PRKG1: variants seen among roughly 807,000 people sequenced by gnomAD.
PRKG1 encodes protein kinase cGMP-dependent 1, also known as cGMP-dependent protein kinase 1.
A neutral mutation model predicts 88.1 loss-of-function variants in PRKG1; 35 were observed. The ratio of observed to expected loss-of-function variants is 0.40; its 90% CI spans 0.30 to 0.53. The LOEUF is 0.53. Ranked by LOEUF, PRKG1 falls within the 20% of genes least tolerant of loss-of-function variation. The pLI is 0.59. For missense variants in PRKG1, 540 were observed against 839.8 expected (o/e 0.64, Z 4.41); for synonymous variants, 303 against 292.5 (o/e 1.04, Z -0.37).
chr10:52,290,682 C>G (rs1842219131), intron 17 of PRKG1, among the ~76,000 whole-genome samples: 2 of 151,838 alleles, frequency 1.3e-5, no homozygotes, highest in African/African-American at 4.8e-5. Context: ...GAGACTCTGT[C>G]TCTACAAAAA....
chr10:52,078,886 GT>G (rs1846698392), intron 7 of PRKG1, among the ~76,000 whole-genome samples: 1 of 152,194 alleles, frequency 6.6e-6, no homozygotes, highest in Non-Finnish European at 1.5e-5. Context: ...TGATGAGATA[GT>G]TTGTATTTAC....
chr10:51,682,452 T>C (rs950966577), intron 3 of PRKG1, among the ~76,000 whole-genome samples: 4 of 152,178 alleles, frequency 2.6e-5, no homozygotes, highest in Non-Finnish European at 5.9e-5. Context: ...TCCTCATAGC[T>C]GATCTCGTTT....
intron 3 of PRKG1, among the ~76,000 whole-genome samples, chr10:51,737,498 A>G (rs947716812): frequency 2.0e-5 from 3 of 152,084 alleles, no homozygotes; most frequent in Non-Finnish European, 2.9e-5. Flanking sequence ...ACATTGTTGT[A>G]TTTCCCATTA....
chr10:52,088,410 G>A (rs1238226692), intron 7 of PRKG1, among the ~76,000 whole-genome samples: 2 of 151,412 alleles, frequency 1.3e-5, no homozygotes, highest in African/African-American at 2.4e-5. Flanking sequence ...TTCTTGATGG[G>A]TGCTATGGTT....
intron 2 of PRKG1, among the ~76,000 whole-genome samples, chr10:51,437,551 T>C (rs679438): frequency 0.69 from 104,338 of 151,750 alleles, 36,738 homozygotes; most frequent in African/African-American, 0.79. Context: ...ATAGAAAACA[T>C]GTATTTTAAA....
intron 4 of PRKG1, 149 bp from the exon 5 acceptor site, chr10:51,907,358 A>G (rs1207365611): frequency 5.1e-6 from 3 of 592,964 alleles, no homozygotes; most frequent in Non-Finnish European, 8.6e-6. Context: ...CTTTTTTTTC[A>G]GGTTGTGTGG....
intron 1 of PRKG1, among the ~76,000 whole-genome samples, chr10:51,110,398 A>T (rs1052154574): frequency 6.6e-6 from 1 of 152,160 alleles, no homozygotes; most frequent in Non-Finnish European, 1.5e-5. Flanking sequence ...TGCACACTAC[A>T]ACCTGAATAA....
In PRKG1 at chr10:51,627,747, T is replaced by C. The variant is rs1352527090; in HGVS notation, c.592+159911T>C. 3.9e-5 allele frequency among the ~76,000 whole-genome samples: 6 copies of C among 152,310 alleles called. No homozygotes were observed. In the East Asian group the frequency reaches 1.2e-3, roughly 29 times the overall value. On this transcript the variant is annotated intron_variant, in intron 3 of 17. Transcript: ENST00000373980. ...TAGTATATCTAACTCACTGTTTTTC[T>C]GAGACTTGAAAGTGCTTGGCAGAGT...
At chr10:51,954,753 G>A (rs1843263320) in intron 5 of PRKG1, among the ~76,000 whole-genome samples, 1 of 152,080 alleles carries the variant, frequency 6.6e-6, no homozygotes, top group South Asian at 2.1e-4. Flanking sequence ...ATTTAAATTT[G>A]TAACCATAGT....
rs1839885858 is a variant in PRKG1 at position 52,208,886 on chromosome 10, TAAA to T, written c.1077-42683_1077-42681del. On this transcript the variant is annotated intron_variant, in intron 9 of 17. Transcript: ENST00000373980. ...TATTCTAATGAAGTTTGTCTACAGC[TAAA>T]TTACTGGCCTACTTCAAAACACAAT... Among the ~76,000 whole-genome samples the T allele has an allele frequency of 2.0e-5, 3 of 152,266 alleles. No homozygotes were observed. In the South Asian group the frequency reaches 6.2e-4, roughly 32 times the overall value.
chr10:51,536,407 T>A (rs951709447), intron 3 of PRKG1, among the ~76,000 whole-genome samples: 1 of 152,188 alleles, frequency 6.6e-6, no homozygotes, highest in African/African-American at 2.4e-5. Flanking sequence ...CTTGCTGAAT[T>A]AAGTTCTTTA....
chr10:51,960,982 T>A (rs2126758), intron 5 of PRKG1, among the ~76,000 whole-genome samples: 135,506 of 152,204 alleles, frequency 0.89, 60,490 homozygotes, highest in East Asian at 1. Context: ...TCATTTGATA[T>A]GTGTTCTGCC....
chr10:52,106,314 A>G lies in PRKG1; in HGVS notation c.936-27526A>G, dbSNP rs141136028. On this transcript the variant is annotated intron_variant, in intron 7 of 17. Coordinates refer to ENST00000373980, the MANE Select transcript of PRKG1 (RefSeq NM_006258.4). ...GGGGTTGCCAAATAGAACATAGGAC[A>G]TCCAGTTAAATTTCAATGTCAGATA... 2.3e-3 allele frequency among the ~76,000 whole-genome samples: 350 copies of G among 152,284 alleles called. 1 individual carries two copies. The highest frequency in any genetic ancestry group is 8.0e-3 in the African/African-American group (332 of 41,548).
chr10:52,168,575 G>C (rs1344893829), intron 9 of PRKG1, among the ~76,000 whole-genome samples: 6 of 151,998 alleles, frequency 3.9e-5, no homozygotes, highest in Non-Finnish European at 4.4e-5. Flanking sequence ...GAGACGAGTT[G>C]GTTTATATTA....
At position 51,054,051 on chromosome 10, in the gene PRKG1, C is replaced by CT. The variant is rs202103975; in HGVS notation, c.266+62415dup. Among the ~76,000 whole-genome samples the CT allele has an allele frequency of 9.6e-3, 1,460 of 151,828 alleles. 10 individuals carry two copies. Among genetic ancestry groups the CT allele is most frequent in the Admixed American group, 0.018 (270 of 15,248 alleles). ...ACCAGCCTTTACATTAAAATGTTTC[C>CT]TTTTTTTTCTAATTGGCAATATCTT... On this transcript the variant is annotated intron_variant, in intron 1 of 17. Transcript: ENST00000401604.
intron 3 of PRKG1, among the ~76,000 whole-genome samples, chr10:51,542,977 T>C (rs923828865): frequency 2.0e-5 from 3 of 152,218 alleles, no homozygotes; most frequent in African/African-American, 7.2e-5. Flanking sequence ...TTTTAGTTGA[T>C]GTCAAACCCA....
chr10:51,732,160 A>G (rs1197015832), intron 3 of PRKG1, among the ~76,000 whole-genome samples: 1 of 152,024 alleles, frequency 6.6e-6, no homozygotes, highest in Non-Finnish European at 1.5e-5. Flanking sequence ...TCTGGGCTCA[A>G]GTGATCTGCC....
chr10:51,239,270 A>T (rs977507149), intron 2 of PRKG1, among the ~76,000 whole-genome samples: 7 of 152,226 alleles, frequency 4.6e-5, no homozygotes, highest in Non-Finnish European at 1.0e-4. Flanking sequence ...AACATACGAA[A>T]ACAATGCAGG....
At chr10:51,322,314 A>G (rs211075) in intron 2 of PRKG1, among the ~76,000 whole-genome samples, 11,080 of 152,278 alleles carry the variant, frequency 0.073, 610 homozygotes, top group African/African-American at 0.15. Flanking sequence ...AGCAAATGCA[A>G]TCAGTCAGTC....
Sources: allele counts gnomAD v4.1 joint callset (sites outside exome capture counted in the v4.1 genomes callset), GRCh38; gene constraint gnomAD v4.1.1; transcripts MANE v1.5; gene names NCBI Gene and HGNC (gene_info 2026-07-23, HGNC 2026-07-21).